Variants in BAZ2B observed in about 807,000 individuals in gnomAD.
BAZ2B encodes the protein bromodomain adjacent to zinc finger domain 2B, also known as bromodomain adjacent to zinc finger domain protein 2B.
BAZ2B carries 91 observed loss-of-function variants against 246.0 expected under a neutral mutation model. That is an observed-to-expected ratio of 0.37 (90% CI 0.31 to 0.44). The LOEUF (loss-of-function observed/expected upper bound fraction) is 0.44, where lower values mean the gene tolerates loss of function less well. BAZ2B is among the 20% of genes least tolerant of loss of function. BAZ2B has a pLI of 1.00. For synonymous variants in BAZ2B, 855 were observed against 860.0 expected (o/e 0.99, Z 0.10); for missense variants, 2,332 against 2,533.7 (o/e 0.92, Z 1.71).
At chr2:159,677,430 G>T in the BAZ2B span, among the ~76,000 whole-genome samples, 2 of 151,956 alleles carry the variant, frequency 1.3e-5, no homozygotes, top group Non-Finnish European at 2.9e-5. Context: ...TAATTAATAA[G>T]CCATGAAATT....
chr2:159,675,590 C>T, the BAZ2B span, among the ~76,000 whole-genome samples: 1 of 152,120 alleles, frequency 6.6e-6, no homozygotes, highest in East Asian at 1.9e-4. Context: ...AATTAAGGTA[C>T]AATTTTATCT....
At position 159,596,389 on chromosome 2, in the gene BAZ2B, C is replaced by T. The variant is rs188908811; in HGVS notation, c.-46+19853G>A. 4.6e-5 allele frequency among the ~76,000 whole-genome samples: 7 copies of T among 152,230 alleles called. No homozygotes were observed. In the East Asian group the frequency reaches 5.8e-4, roughly 13 times the overall value. ...GACACCACAGATCCTGTTAGAAGCA[C>T]GGCCCTAAAGTTTGTTCAAGAATAT... On this transcript the variant is annotated intron_variant, in intron 1 of 36. Transcript: ENST00000392783.
At chr2:159,432,454 G>A (rs936878468) in intron 9 of BAZ2B, among the ~76,000 whole-genome samples, 2 of 152,134 alleles carry the variant, frequency 1.3e-5, no homozygotes, top group Non-Finnish European at 2.9e-5. Flanking sequence ...AATGAAAAAA[G>A]AGTGGTCCTG....
intron 31 of BAZ2B, among the ~76,000 whole-genome samples, chr2:159,340,394 A>C (rs2066453805): frequency 6.6e-6 from 1 of 152,188 alleles, no homozygotes; most frequent in Non-Finnish European, 1.5e-5. Context: ...AACTTTCCAC[A>C]TCCTGGGAGA....
At chr2:159,564,427 C>T (rs188246490) in intron 1 of BAZ2B, among the ~76,000 whole-genome samples, 5 of 152,206 alleles carry the variant, frequency 3.3e-5, no homozygotes, top group Admixed American at 2.0e-4. Context: ...AACACTCTAG[C>T]CACTGTATAT....
chr2:159,527,244 C>T (rs934144725), intron 2 of BAZ2B, among the ~76,000 whole-genome samples: 2 of 152,072 alleles, frequency 1.3e-5, no homozygotes, highest in African/African-American at 4.8e-5. Context: ...GTTCAGCTGA[C>T]ATCCGTATAA....
chr2:159,569,017 A>C (rs1273463315), intron 1 of BAZ2B, among the ~76,000 whole-genome samples: 1 of 122,468 alleles, frequency 8.2e-6, no homozygotes, highest in South Asian at 3.0e-4. Context: ...TTTTCTACTT[A>C]TTGATGCACT....
chr2:159,646,271 T>C, the BAZ2B span, among the ~76,000 whole-genome samples: 3 of 152,220 alleles, frequency 2.0e-5, no homozygotes, highest in African/African-American at 7.2e-5. Context: ...AAGAGAAATA[T>C]GGCTCTGTTC....
chr2:159,459,821 T>A (rs1253718708), intron 3 of BAZ2B: 2 of 152,104 alleles, frequency 1.3e-5, no homozygotes, highest in Non-Finnish European at 2.9e-5. Context: ...TTAATATACT[T>A]AATATCAACA....
chr2:159,557,257 A>G (rs2089288807), intron 1 of BAZ2B, among the ~76,000 whole-genome samples: 1 of 137,724 alleles, frequency 7.3e-6, no homozygotes, highest in Non-Finnish European at 1.5e-5. Context: ...GGGTCTCACC[A>G]TGTTGCCCAG....
intron 3 of BAZ2B, chr2:159,461,039 TAAAC>T (rs1249572873): frequency 6.6e-6 from 1 of 152,466 alleles, no homozygotes; most frequent in Non-Finnish European, 1.5e-5. Context: ...TTATTTGAAA[TAAAC>T]AAAAATGCAT....
chr2:159,431,921 G>A (rs543362982), intron 9 of BAZ2B, among the ~76,000 whole-genome samples: 3 of 152,158 alleles, frequency 2.0e-5, no homozygotes, highest in South Asian at 4.1e-4. Flanking sequence ...CATTATAAAA[G>A]TTAGTTTTGA....
At chr2:159,340,354 GA>G (rs1559013574) in intron 31 of BAZ2B, among the ~76,000 whole-genome samples, 1 of 151,628 alleles carries the variant, frequency 6.6e-6, no homozygotes, top group African/African-American at 2.4e-5. Flanking sequence ...GAAAGGTGAG[GA>G]AAAAAAATTT....
intron 1 of BAZ2B, among the ~76,000 whole-genome samples, chr2:159,585,884 A>C (rs1029341247): frequency 6.6e-6 from 1 of 152,228 alleles, no homozygotes; most frequent in African/African-American, 2.4e-5. Flanking sequence ...TGCTGCCTAA[A>C]TGCTTACTTA....
chr2:159,337,387 A>G, intron 32 of BAZ2B, 180 bp downstream of exon 32: 2 of 1,390,390 alleles, frequency 1.4e-6, no homozygotes, highest in Non-Finnish European at 1.9e-6. Context: ...AGATACATAG[A>G]TAACAGGCAA....
At chr2:159,626,611 G>A in the BAZ2B span, among the ~76,000 whole-genome samples, 1 of 152,290 alleles carries the variant, frequency 6.6e-6, no homozygotes, top group African/African-American at 2.4e-5. Flanking sequence ...GATATTCTTT[G>A]AAACCAATGA....
intron 1 of BAZ2B, among the ~76,000 whole-genome samples, chr2:159,570,476 C>A (rs1005718677): frequency 1.3e-5 from 2 of 152,118 alleles, no homozygotes; most frequent in Admixed American, 1.3e-4. Context: ...CCACTGCGCC[C>A]GGCCTCCTTA....
chr2:159,412,038 G>T, intron 14 of BAZ2B: 10 of 895,900 alleles, frequency 1.1e-5, no homozygotes, highest in Non-Finnish European at 1.3e-5. Flanking sequence ...CGACCTTAAG[G>T]CATGTGCCAA....
chr2:159,493,354 T>C (rs1218091043), intron 2 of BAZ2B, among the ~76,000 whole-genome samples: 1 of 152,244 alleles, frequency 6.6e-6, no homozygotes, highest in Non-Finnish European at 1.5e-5. Context: ...AGTGTCTATC[T>C]AAATGATAAT....
Sources: gnomAD v4.1 joint callset for allele counts (sites outside exome capture counted in the v4.1 genomes callset) on GRCh38, gnomAD v4.1.1 for gene constraint, MANE v1.5 for transcripts, NCBI Gene and HGNC (gene_info 2026-07-23, HGNC 2026-07-21) for gene names.